CFAP251: variants seen among roughly 807,000 people sequenced by gnomAD.
CFAP251 encodes cilia and flagella associated protein 251, also known as cilia- and flagella-associated protein 251.
Under a neutral mutation model 126.7 loss-of-function variants are expected in CFAP251, and 93 were observed. The ratio of observed to expected loss-of-function variants is 0.73; its 90% CI spans 0.62 to 0.87. The LOEUF (loss-of-function observed/expected upper bound fraction) is 0.87, where lower values mean the gene tolerates loss of function less well. Ranked by LOEUF, CFAP251 falls within the 40% of genes least tolerant of loss-of-function variation. The pLI is 0.00. For missense variants in CFAP251, 1,287 were observed against 1,389.2 expected, an observed-to-expected ratio of 0.93 and a Z score of 1.17; for synonymous variants, 503 against 506.9, an observed-to-expected ratio of 0.99 and a Z score of 0.10.
At chr12:121,998,964 TAGG>T (rs1883089410) in intron 19 of CFAP251, 1 of 151,224 alleles carries the variant, frequency 6.6e-6, no homozygotes, top group African/African-American at 2.4e-5. Flanking sequence ...TTTCTGATCT[TAGG>T]AGGAGAAAGC....
chr12:121,941,243 G>A (rs1429134238), intron 5 of CFAP251, among the ~76,000 whole-genome samples: 4 of 150,916 alleles, frequency 2.7e-5, no homozygotes, highest in Non-Finnish European at 5.9e-5. Context: ...TGTTGGCCAG[G>A]CTGGTCTCGA....
intron 15 of CFAP251, among the ~76,000 whole-genome samples, chr12:121,964,880 G>A (rs1014996275): frequency 4.6e-5 from 7 of 152,134 alleles, no homozygotes; most frequent in Admixed American, 4.6e-4. Context: ...TCCAGCCTGG[G>A]CGACAGAGCT....
intron 10 of CFAP251, among the ~76,000 whole-genome samples, chr12:121,956,291 T>C (rs1202348422): frequency 6.6e-6 from 1 of 152,138 alleles, no homozygotes; most frequent in Admixed American, 6.5e-5. Flanking sequence ...TCTGTAGTTA[T>C]ATGGGGAGTG....
chr12:121,955,562 G>A (rs975585833), intron 10 of CFAP251: 3 of 152,170 alleles, frequency 2.0e-5, no homozygotes, highest in African/African-American at 4.8e-5. Context: ...GGTGGCCATC[G>A]TCAGTGTGTG....
chr12:121,988,415 G>A (rs545778102), intron 19 of CFAP251, among the ~76,000 whole-genome samples: 1 of 152,256 alleles, frequency 6.6e-6, no homozygotes, highest in South Asian at 2.1e-4. Context: ...AACCACCGAT[G>A]TGCTTTCTGT....
At chr12:121,948,399 GTTA>G (rs1565909220) in intron 7 of CFAP251, 1 of 152,082 alleles carries the variant, frequency 6.6e-6, no homozygotes, top group African/African-American at 2.4e-5. Context: ...TATTATTATT[GTTA>G]TTATTTTAAA....
chr12:121,975,408 CCTTG>C, intron 18 of CFAP251, 74 bp downstream of exon 18: 2 of 1,570,752 alleles, frequency 1.3e-6, no homozygotes, highest in Non-Finnish European at 1.7e-6. Flanking sequence ...CCAGGGTTAA[CCTTG>C]CTTTATTCCA....
intron 19 of CFAP251, among the ~76,000 whole-genome samples, chr12:121,981,967 C>T (rs917296999): frequency 3.9e-5 from 6 of 152,162 alleles, no homozygotes; most frequent in African/African-American, 7.2e-5. Context: ...GTACAGTACA[C>T]GGCACACGTT....
At chr12:121,994,011 G>A (rs1477420944) in intron 19 of CFAP251, among the ~76,000 whole-genome samples, 4 of 24,594 alleles carry the variant, frequency 1.6e-4, no homozygotes, top group Admixed American at 2.4e-4. Context: ...CGCCCCGTCC[G>A]GGAGGGAGGT....
In CFAP251 at chr12:121,957,168, A is replaced by G; in HGVS notation, c.1630A>G (p.Ile544Val). 2.5e-6 allele frequency: 4 copies of G among 1,614,176 alleles called. No individual in the cohort carries two copies. Among genetic ancestry groups the G allele is most frequent in the East Asian group, 2.2e-5 (1 of 44,878 alleles). Residue 544 changes from isoleucine to valine, a missense_variant, in exon 11 of 22, where the codon ATA becomes GTA. Ile to Val is a conservative substitution (Grantham distance 29). Transcript: ENST00000288912. ...GTACAGTCACTTGAAACTGGGCGCCATAAGAACTCTGTCCTTTTCAAAGAC... is the reference window on the plus strand; with the variant it reads ...GTACAGTCACTTGAAACTGGGCGCCGTAAGAACTCTGTCCTTTTCAAAGAC... ...NWYSHLKLGAIRTLSFSKTPA... is the reference protein window; with the variant it reads ...NWYSHLKLGAVRTLSFSKTPA...
chr12:121,951,624 C>T, intron 9 of CFAP251, 94 bp downstream of exon 9: 1 of 891,628 alleles, frequency 1.1e-6, no homozygotes, highest in South Asian at 1.7e-5. Flanking sequence ...CTTTGTACAT[C>T]TTGATATTAA....
chr12:121,971,921 CT>C (rs1882341057), intron 17 of CFAP251: 1 of 320,444 alleles, frequency 3.1e-6, no homozygotes, highest in Admixed American at 4.3e-5. Flanking sequence ...CTCACAAGAT[CT>C]GATGGTTTGA....
At chr12:121,964,665 C>T (rs577797406) in intron 15 of CFAP251, among the ~76,000 whole-genome samples, 3 of 151,674 alleles carry the variant, frequency 2.0e-5, no homozygotes, top group South Asian at 4.2e-4. Flanking sequence ...TGGGAGGGGC[C>T]GAGGCAGGTG....
chr12:121,955,607 A>C (rs931419306), intron 10 of CFAP251: 7 of 152,210 alleles, frequency 4.6e-5, no homozygotes, highest in African/African-American at 1.4e-4. Flanking sequence ...AAAATTGCCT[A>C]GTGATGGGGA....
chr12:121,975,815 C>G (rs1404711916), intron 19 of CFAP251, 130 bp downstream of exon 19: 1 of 1,020,916 alleles, frequency 9.8e-7, no homozygotes, highest in Non-Finnish European at 1.4e-6. Flanking sequence ...AAAGATGGTT[C>G]TGGGCATTTC....
In CFAP251 at chr12:121,923,912, C is replaced by A; in HGVS notation, c.669C>A (p.Ile223=). ...RVSDIQSKAG[I]SRESLVSSTT... ...CCGACATCCAGTCCAAAGCAGGGAT[C>A]TCCCGGGAGTCACTGGTGTCCAGCA... Residue 223 remains isoleucine (I), a synonymous_variant, in exon 3 of 22, where the codon ATC becomes ATA. Coordinates refer to ENST00000288912, the MANE Select transcript of CFAP251 (RefSeq NM_144668.6). 6.2e-7 allele frequency: 1 copy of A among 1,614,130 alleles called. No individual in the cohort carries two copies. Among genetic ancestry groups the A allele is most frequent in the Non-Finnish European group, 8.5e-7 (1 of 1,180,028 alleles).
chr12:121,985,902 TC>T (rs958446923), intron 19 of CFAP251, among the ~76,000 whole-genome samples: 5 of 152,202 alleles, frequency 3.3e-5, no homozygotes, highest in Admixed American at 3.3e-4. Context: ...TCACCTGTAT[TC>T]CCAGCACTTT....
At chr12:121,986,563 T>C (rs560301507) in intron 19 of CFAP251, among the ~76,000 whole-genome samples, 2 of 151,888 alleles carry the variant, frequency 1.3e-5, no homozygotes, top group East Asian at 1.9e-4. Context: ...CCTCCCAAAG[T>C]GCTGGGATTA....
At chr12:121,949,083 T>C in intron 8 of CFAP251, 22 bp downstream of exon 8, 3 of 1,488,090 alleles carry the variant, frequency 2.0e-6, no homozygotes, top group Non-Finnish European at 2.8e-6. Context: ...TATTTTGATT[T>C]GTTTTAAATG....
Sources: gnomAD v4.1 joint callset for allele counts (sites outside exome capture counted in the v4.1 genomes callset) on GRCh38, gnomAD v4.1.1 for gene constraint, MANE v1.5 for transcripts, NCBI Gene and HGNC (gene_info 2026-07-23, HGNC 2026-07-21) for gene names.